PARN: variants seen among roughly 807,000 people sequenced by gnomAD.
PARN encodes the protein poly(A)-specific ribonuclease.
In PARN, 71 loss-of-function variants were observed where a neutral mutation model predicts 102.8. The observed-to-expected ratio is 0.69, with a 90% CI of 0.57 to 0.84. The LOEUF (loss-of-function observed/expected upper bound fraction) is 0.84, where lower values mean the gene tolerates loss of function less well. Ranked by LOEUF, PARN falls within the 40% of genes least tolerant of loss-of-function variation. The pLI is 0.00. For synonymous variants in PARN, 261 were observed against 252.9 expected, an observed-to-expected ratio of 1.03 and a Z score of -0.30; for missense variants, 782 against 760.9, an observed-to-expected ratio of 1.03 and a Z score of -0.33.
At chr16:14,469,015 G>A (rs144466473) in intron 22 of PARN, among the ~76,000 whole-genome samples, 4,305 of 151,816 alleles carry the variant, frequency 0.028, 83 homozygotes, top group Non-Finnish European at 0.041. Flanking sequence ...CTAAAAAAAC[G>A]GGTCTGGTAC....
intron 18 of PARN, among the ~76,000 whole-genome samples, chr16:14,569,149 T>C (rs1968629309): frequency 6.6e-6 from 1 of 151,408 alleles, no homozygotes; most frequent in African/African-American, 2.4e-5. Context: ...GAGGTGAAGG[T>C]TGCAGTGAGA....
intron 21 of PARN, among the ~76,000 whole-genome samples, chr16:14,504,719 G>A (rs1166133960): frequency 6.6e-6 from 1 of 152,086 alleles, no homozygotes; most frequent in Non-Finnish European, 1.5e-5. Context: ...CTCTCTCATA[G>A]GTTATACCAT....
In PARN at chr16:14,582,279, C is replaced by G. The variant is rs1452851028; in HGVS notation, c.1094G>C (p.Gly365Ala). ...FNPPKVESAE[G>A]FPSYDTASEQ... The stretch of plus-strand genomic sequence containing the variant: ...AGAGGCTGTGTCATAACTTGGAAAA[C>G]CTTCGGCACTTTCTAAGAAAAAAAA... Residue 365 changes from glycine (G) to alanine (A), a missense_variant, in exon 17 of 24, where the codon GGT (glycine) becomes GCT (alanine). Transcript: ENST00000437198. 1 of 1,612,890 alleles carries G rather than the reference C, an allele frequency of 6.2e-7. No homozygotes were observed. The highest frequency in any genetic ancestry group is 8.5e-7 in the Non-Finnish European group (1 of 1,178,928).
intron 23 of PARN, among the ~76,000 whole-genome samples, chr16:14,440,192 T>G (rs745844625): frequency 5.3e-5 from 8 of 151,570 alleles, no homozygotes; most frequent in Non-Finnish European, 1.0e-4. Context: ...AGGGAAAAAA[T>G]GAAAAGATAT....
intron 21 of PARN, among the ~76,000 whole-genome samples, chr16:14,537,745 G>C (rs1305587311): frequency 6.6e-6 from 1 of 152,096 alleles, no homozygotes; most frequent in Non-Finnish European, 1.5e-5. Flanking sequence ...CTCAAGTAGA[G>C]AGTATAATTG....
At chr16:14,450,155 C>T (rs752225828) in intron 22 of PARN, among the ~76,000 whole-genome samples, 15 of 152,044 alleles carry the variant, frequency 9.9e-5, no homozygotes, top group Non-Finnish European at 2.1e-4. Context: ...CTCAAAGAAC[C>T]GAAAATGATT....
At position 14,436,722 on chromosome 16, in the gene PARN, A is replaced by ATGTGTCAGGAACTTCAAAGAG. The variant is rs1276263888; in HGVS notation, c.1894_1914dup (p.Leu632_Thr638dup). Reference sequence around the variant, plus strand: ...TTGCTGCCCTCAGGTCTTGGTTACCATGTGTCAGGAACTTCAAAGAGTGTG... The same window carrying ATGTGTCAGGAACTTCAAAGAG: ...TTGCTGCCCTCAGGTCTTGGTTACCATGTGTCAGGAACTTCAAAGAGTGTGTCAGGAACTTCAAAGAGTGTG... On this transcript the variant is annotated inframe_insertion, in exon 24 of 24. Coordinates refer to ENST00000437198, the MANE Select transcript of PARN (RefSeq NM_002582.4). 1 of 1,600,496 alleles carries ATGTGTCAGGAACTTCAAAGAG rather than the reference A, an allele frequency of 6.2e-7. No homozygotes were observed. The highest frequency in any genetic ancestry group is 2.2e-5 in the East Asian group (1 of 44,456).
chr16:14,583,785 C>T (rs1206450548), intron 16 of PARN, among the ~76,000 whole-genome samples: 1 of 152,162 alleles, frequency 6.6e-6, no homozygotes, highest in African/African-American at 2.4e-5. Context: ...AAGGAAGTAG[C>T]ACCTGGTAGG....
At chr16:14,498,032 G>A (rs1021106800) in intron 21 of PARN, among the ~76,000 whole-genome samples, 1 of 150,428 alleles carries the variant, frequency 6.6e-6, no homozygotes, top group African/African-American at 2.4e-5. Flanking sequence ...GCTGAGGCAG[G>A]AGAATGGCTT....
At position 14,613,027 on chromosome 16, in the gene PARN, G is replaced by A. The variant is rs924561656; in HGVS notation, c.389-2218C>T. On this transcript the variant is annotated intron_variant, in intron 6 of 23. Transcript: ENST00000437198. ...ACACGGGTGGTATTAAAATCCATGG[G>A]GACGGGGCGCGGTGGCTCACGCCTG... Among the ~76,000 whole-genome samples, 14 of 151,938 alleles carry A rather than the reference G, an allele frequency of 9.2e-5. 1 individual carries two copies. Among genetic ancestry groups the A allele is most frequent in the Admixed American group, 5.9e-4 (9 of 15,270 alleles).
intron 18 of PARN, among the ~76,000 whole-genome samples, chr16:14,571,695 G>T (rs1968824097): frequency 6.6e-6 from 1 of 152,104 alleles, no homozygotes; most frequent in Non-Finnish European, 1.5e-5. Context: ...GTTAACTGAG[G>T]CCTATGATGT....
intron 22 of PARN, among the ~76,000 whole-genome samples, chr16:14,454,567 T>A (rs908712471): frequency 1.3e-5 from 2 of 152,138 alleles, no homozygotes; most frequent in Non-Finnish European, 2.9e-5. Flanking sequence ...GTTCTATGAG[T>A]CGCTTCAAGT....
chr16:14,525,465 T>C (rs146997900), intron 21 of PARN, among the ~76,000 whole-genome samples: 63 of 152,296 alleles, frequency 4.1e-4, no homozygotes, highest in African/African-American at 1.5e-3. Flanking sequence ...AAACATTCCA[T>C]TCAAATGAAG....
intron 18 of PARN, among the ~76,000 whole-genome samples, chr16:14,575,371 C>G (rs1969063283): frequency 6.6e-6 from 1 of 152,224 alleles, no homozygotes; most frequent in South Asian, 2.1e-4. Context: ...GCCACAGGAG[C>G]AGAGCTGCCC....
chr16:14,626,912 T>C (rs1338257065), intron 5 of PARN, among the ~76,000 whole-genome samples, 194 bp downstream of exon 5: 1 of 152,136 alleles, frequency 6.6e-6, no homozygotes, highest in Non-Finnish European at 1.5e-5. Flanking sequence ...CCGCCGTACC[T>C]GGCCCTCCTT....
chr16:14,459,885 T>A (rs1961869224), intron 22 of PARN, among the ~76,000 whole-genome samples: 1 of 152,282 alleles, frequency 6.6e-6, no homozygotes, highest in East Asian at 1.9e-4. Context: ...GAGTTGTAAT[T>A]CAGTAATTTA....
chr16:14,551,899 AAAAC>A, intron 21 of PARN, 118 bp downstream of exon 21: 1 of 629,874 alleles, frequency 1.6e-6, no homozygotes, highest in South Asian at 2.2e-5. Flanking sequence ...GACAATCTCA[AAAAC>A]AAACGAGGCA....
intron 22 of PARN, among the ~76,000 whole-genome samples, chr16:14,451,106 G>T (rs1391650388): frequency 2.0e-5 from 3 of 152,216 alleles, no homozygotes; most frequent in Non-Finnish European, 4.4e-5. Flanking sequence ...GACTATATAG[G>T]TTTACCTAAT....
At chr16:14,569,256 A>C (rs1210806794) in intron 18 of PARN, among the ~76,000 whole-genome samples, 1 of 152,178 alleles carries the variant, frequency 6.6e-6, no homozygotes, top group Admixed American at 6.5e-5. Context: ...AAAAAACGAA[A>C]TGAAATGAGA....
Sources: allele counts gnomAD v4.1 joint callset (sites outside exome capture counted in the v4.1 genomes callset), GRCh38; gene constraint gnomAD v4.1.1; transcripts MANE v1.5; gene names NCBI Gene and HGNC (gene_info 2026-07-23, HGNC 2026-07-21).